Variants in CDH18 observed in about 807,000 individuals in gnomAD.
CDH18 encodes cadherin 18.
Under a neutral mutation model 67.9 loss-of-function variants are expected in CDH18, and 31 were observed. The observed-to-expected ratio is 0.46, with a 90% CI of 0.34 to 0.62. The LOEUF (loss-of-function observed/expected upper bound fraction) is 0.62. Ranked by LOEUF, CDH18 falls within the 20% of genes least tolerant of loss-of-function variation. The probability of loss-of-function intolerance (pLI) is 0.01; values close to 1 mark genes in which losing one functional copy is unlikely to be tolerated. For missense variants in CDH18, 890 were observed against 975.5 expected (o/e 0.91, Z 1.17); for synonymous variants, 362 against 347.2 (o/e 1.04, Z -0.48).
At chr5:19,842,495 C>A (rs1214344052) in intron 2 of CDH18, among the ~76,000 whole-genome samples, 4 of 152,194 alleles carry the variant, frequency 2.6e-5, no homozygotes, top group African/African-American at 9.7e-5. Context: ...CCCATTTTGC[C>A]ATGACTGTAA....
At chr5:20,337,314 G>C (rs1739866971) in intron 1 of CDH18, among the ~76,000 whole-genome samples, 1 of 152,082 alleles carries the variant, frequency 6.6e-6, no homozygotes, top group African/African-American at 2.4e-5. Context: ...ACATTGTCAG[G>C]CTGCAAATTT....
intron 1 of CDH18, among the ~76,000 whole-genome samples, chr5:20,496,904 T>A: frequency 6.6e-6 from 1 of 151,890 alleles, no homozygotes; most frequent in East Asian, 1.9e-4. Flanking sequence ...TGACAAATTT[T>A]ACAAAAATAA....
At position 20,092,626 on chromosome 5, in the gene CDH18, A is replaced by AT. The variant is rs1252236808; in HGVS notation, c.-517-100613dup. Among the ~76,000 whole-genome samples the AT allele has an allele frequency of 2.6e-5, 4 of 152,258 alleles. No homozygotes were observed. The East Asian group carries it at 7.7e-4, about 29-fold the overall frequency. On this transcript the variant is annotated intron_variant, in intron 2 of 14. Coordinates refer to the CDH18 transcript ENST00000507958. ...AATTATCATGAAAATATATATGTGTATTTTTTAAGGTTCATCTTATCTATC... is the reference window on the plus strand; with the variant it reads ...AATTATCATGAAAATATATATGTGTATTTTTTTAAGGTTCATCTTATCTATC...
At chr5:20,385,191 T>C (rs946652594) in intron 1 of CDH18, among the ~76,000 whole-genome samples, 2 of 152,120 alleles carry the variant, frequency 1.3e-5, no homozygotes, top group Admixed American at 1.3e-4. Context: ...TTGTTTAGAT[T>C]GCATTTAATC....
intron 1 of CDH18, among the ~76,000 whole-genome samples, chr5:20,317,445 TG>T (rs1247019182): frequency 6.6e-6 from 1 of 152,148 alleles, no homozygotes; most frequent in African/African-American, 2.4e-5. Flanking sequence ...CTCTGGCTTT[TG>T]AAGAGAAACA....
At chr5:19,671,599 T>C (rs1293382290) in intron 5 of CDH18, among the ~76,000 whole-genome samples, 1 of 152,126 alleles carries the variant, frequency 6.6e-6, no homozygotes, top group Admixed American at 6.6e-5. Context: ...TTACATCATT[T>C]TGACATGGGA....
intron 2 of CDH18, among the ~76,000 whole-genome samples, chr5:20,209,748 A>T (rs1740202734): frequency 6.6e-6 from 1 of 151,982 alleles, no homozygotes; most frequent in South Asian, 2.1e-4. Flanking sequence ...GCTATAAGAC[A>T]ATAACGTAAA....
intron 3 of CDH18, among the ~76,000 whole-genome samples, chr5:19,809,271 C>T (rs757094094): frequency 3.9e-5 from 6 of 152,020 alleles, no homozygotes; most frequent in Admixed American, 6.6e-5. Flanking sequence ...GTCAGATAGC[C>T]CAGTGCCTCT....
At chr5:19,600,306 C>A (rs1262947068) in intron 6 of CDH18, among the ~76,000 whole-genome samples, 1 of 151,426 alleles carries the variant, frequency 6.6e-6, no homozygotes, top group African/African-American at 2.4e-5. Flanking sequence ...ATGTAACAAA[C>A]CTGCACGTTG....
In CDH18 at chr5:19,839,985, G is replaced by T. The variant is rs147862235; in HGVS notation, c.-256-743C>A. Among the ~76,000 whole-genome samples, 825 of 152,114 alleles carry T rather than the reference G, an allele frequency of 5.4e-3. 3 individuals carry two copies. The highest frequency in any genetic ancestry group is 0.011 in the South Asian group (53 of 4,808). ...AATTAAAAGAAGTTGAAGGCCGGGTGGGGTGGCTCACGCCTGTAATCCCGG... is the reference window on the plus strand; with the variant it reads ...AATTAAAAGAAGTTGAAGGCCGGGTTGGGTGGCTCACGCCTGTAATCCCGG... On this transcript the variant is annotated intron_variant, in intron 2 of 12. Coordinates refer to ENST00000382275, the MANE Select transcript of CDH18 (RefSeq NM_004934.5).
At chr5:19,937,991 A>G (rs1244477971) in intron 2 of CDH18, among the ~76,000 whole-genome samples, 2 of 148,062 alleles carry the variant, frequency 1.4e-5, no homozygotes, top group Non-Finnish European at 3.0e-5. Flanking sequence ...TATAAATAGC[A>G]AATAAAATAT....
intron 2 of CDH18, among the ~76,000 whole-genome samples, chr5:20,111,543 T>C (rs1298158766): frequency 4.1e-5 from 5 of 121,196 alleles, no homozygotes; most frequent in Non-Finnish European, 8.6e-5. Flanking sequence ...TCCTTCCTTC[T>C]TTCTTTTTTT....
In CDH18 at chr5:19,918,078, CTT is replaced by C. The variant is rs201821856; in HGVS notation, c.-257+62980_-257+62981del. On this transcript the variant is annotated intron_variant, in intron 2 of 12. Transcript: ENST00000382275. ...TTATAATTCTCCAAAAAATATGTCTCTTAATGTTTTAGTATCTCAGGTGATCT... is the reference window on the plus strand; with the variant it reads ...TTATAATTCTCCAAAAAATATGTCTCAATGTTTTAGTATCTCAGGTGATCT... 4.0e-3 allele frequency among the ~76,000 whole-genome samples: 613 copies of C among 152,230 alleles called. 9 individuals carry two copies. The highest frequency in any genetic ancestry group is 0.034 in the Admixed American group (523 of 15,274).
chr5:20,369,436 A>G (rs927146462), intron 1 of CDH18, among the ~76,000 whole-genome samples: 3 of 152,210 alleles, frequency 2.0e-5, no homozygotes, highest in African/African-American at 4.8e-5. Flanking sequence ...CATCTTTCCA[A>G]TTCACAGGTA....
At chr5:19,493,321 A>T (rs1339680347) in intron 11 of CDH18, among the ~76,000 whole-genome samples, 1 of 152,206 alleles carries the variant, frequency 6.6e-6, no homozygotes, top group African/African-American at 2.4e-5. Flanking sequence ...AACAGTTTAA[A>T]TAACTGCTGT....
At chr5:19,736,117 A>G (rs1404958800) in intron 4 of CDH18, among the ~76,000 whole-genome samples, 2 of 152,252 alleles carry the variant, frequency 1.3e-5, no homozygotes, top group African/African-American at 2.4e-5. Flanking sequence ...GGACCAGAAC[A>G]TTTTTATTAA....
intron 2 of CDH18, among the ~76,000 whole-genome samples, chr5:19,865,990 A>C (rs1785443162): frequency 6.6e-6 from 1 of 152,144 alleles, no homozygotes; most frequent in Admixed American, 6.6e-5. Flanking sequence ...GCCTCCACTT[A>C]TATTCTCCTC....
chr5:20,145,424 C>T (rs987089898), intron 2 of CDH18, among the ~76,000 whole-genome samples: 6 of 152,124 alleles, frequency 3.9e-5, no homozygotes, highest in Non-Finnish European at 7.3e-5. Context: ...CTGTTGCTAA[C>T]GTTACCCTGC....
chr5:20,100,367 A>G (rs1746349730), intron 2 of CDH18, among the ~76,000 whole-genome samples: 1 of 152,196 alleles, frequency 6.6e-6, no homozygotes. Flanking sequence ...AGTGACAATT[A>G]CAATAAAATT....
Sources: gnomAD v4.1 joint callset for allele counts (sites outside exome capture counted in the v4.1 genomes callset) on GRCh38, gnomAD v4.1.1 for gene constraint, MANE v1.5 for transcripts, NCBI Gene and HGNC (gene_info 2026-07-23, HGNC 2026-07-21) for gene names.